Variants in EPHA6 observed in about 807,000 individuals in gnomAD.
EPHA6 encodes ephrin type-A receptor 6.
A neutral mutation model predicts 112.0 loss-of-function variants in EPHA6; 50 were observed. That is an observed-to-expected ratio of 0.45 (90% CI 0.36 to 0.56). EPHA6 has a LOEUF of 0.56. Among genes scored for constraint, EPHA6 ranks in the 20% least tolerant of loss-of-function variants. The pLI, the probability that EPHA6 is intolerant of heterozygous loss-of-function variation, is 0.00. For missense variants in EPHA6, 1,280 were observed against 1,417.4 expected, an observed-to-expected ratio of 0.90 and a Z score of 1.56; for synonymous variants, 529 against 490.7, an observed-to-expected ratio of 1.08 and a Z score of -1.03.
At chr3:96,978,421 A>G (rs1372167558) in intron 2 of EPHA6, among the ~76,000 whole-genome samples, 1 of 152,148 alleles carries the variant, frequency 6.6e-6, no homozygotes, top group African/African-American at 2.4e-5. Flanking sequence ...AAGGAAAAGT[A>G]TGCCTGAAAT....
intron 14 of EPHA6, among the ~76,000 whole-genome samples, chr3:97,652,807 C>T (rs796689628): frequency 1.3e-4 from 20 of 152,062 alleles, no homozygotes; most frequent in African/African-American, 4.8e-4. Flanking sequence ...AAACTTACTC[C>T]TGTTTTTTAT....
At chr3:97,533,687 A>G (rs2092721103) in intron 11 of EPHA6, among the ~76,000 whole-genome samples, 1 of 151,956 alleles carries the variant, frequency 6.6e-6, no homozygotes, top group Admixed American at 6.6e-5. Context: ...ACATGTTTGT[A>G]CGTTGGAGCT....
intron 1 of EPHA6, among the ~76,000 whole-genome samples, chr3:96,840,457 A>C (rs923011936): frequency 1.3e-5 from 2 of 152,114 alleles, no homozygotes; most frequent in Non-Finnish European, 2.9e-5. Flanking sequence ...CAGTAGTCCA[A>C]ACCACTCTCA....
At chr3:97,008,392 G>T (rs189050612) in intron 3 of EPHA6, among the ~76,000 whole-genome samples, 1 of 152,078 alleles carries the variant, frequency 6.6e-6, no homozygotes, top group Non-Finnish European at 1.5e-5. Context: ...CCGCTGGGTC[G>T]ATTTGGCTGT....
chr3:97,570,117 G>T (rs1474498075), intron 11 of EPHA6, among the ~76,000 whole-genome samples: 3 of 152,292 alleles, frequency 2.0e-5, no homozygotes, highest in Admixed American at 1.3e-4. Flanking sequence ...TGCCACCAGA[G>T]ATTTTGTATC....
chr3:97,106,108 A>C (rs2108271354), intron 3 of EPHA6, among the ~76,000 whole-genome samples: 1 of 152,206 alleles, frequency 6.6e-6, no homozygotes, highest in East Asian at 1.9e-4. Flanking sequence ...ACTAAAATGT[A>C]TATATTAAAA....
chr3:96,937,350 A>C (rs9822724), intron 2 of EPHA6, among the ~76,000 whole-genome samples: 2,824 of 152,220 alleles, frequency 0.019, 72 homozygotes, highest in African/African-American at 0.05. Flanking sequence ...CATTTCTCTG[A>C]TGGCCAGTGA....
chr3:97,130,133 C>A (rs542953983), intron 3 of EPHA6, among the ~76,000 whole-genome samples: 1 of 151,832 alleles, frequency 6.6e-6, no homozygotes, highest in Admixed American at 6.6e-5. Context: ...CTCTTTTTCT[C>A]GGGTGGTGGT....
At chr3:97,312,360 C>T (rs1469713093) in intron 5 of EPHA6, among the ~76,000 whole-genome samples, 5 of 151,450 alleles carry the variant, frequency 3.3e-5, no homozygotes, top group Admixed American at 6.6e-5. Flanking sequence ...TCCTGATTTG[C>T]GTGGAGTGGA....
chr3:97,043,052 T>C (rs2045372052), intron 3 of EPHA6, among the ~76,000 whole-genome samples: 1 of 152,172 alleles, frequency 6.6e-6, no homozygotes, highest in African/African-American at 2.4e-5. Context: ...AATTCTCTGA[T>C]CTTGTATTTT....
chr3:96,939,350 G>A (rs144991012), intron 2 of EPHA6, among the ~76,000 whole-genome samples: 3 of 152,096 alleles, frequency 2.0e-5, no homozygotes, highest in Non-Finnish European at 2.9e-5. Flanking sequence ...TGTATGTGTC[G>A]AGGAATTTAT....
At chr3:97,237,302 A>C (rs934771060) in intron 4 of EPHA6, among the ~76,000 whole-genome samples, 1 of 151,968 alleles carries the variant, frequency 6.6e-6, no homozygotes, top group East Asian at 1.9e-4. Context: ...TAACCCTTAC[A>C]CTACTGAATA....
At chr3:97,231,780 G>T (rs1206927946) in intron 4 of EPHA6, among the ~76,000 whole-genome samples, 3 of 152,148 alleles carry the variant, frequency 2.0e-5, no homozygotes, top group African/African-American at 7.2e-5. Flanking sequence ...TAATCCCTAG[G>T]AGCTGCCCTC....
chr3:96,832,680 A>C (rs2107283147), intron 1 of EPHA6, among the ~76,000 whole-genome samples: 1 of 152,178 alleles, frequency 6.6e-6, no homozygotes, highest in African/African-American at 2.4e-5. Context: ...TATGCTTTTA[A>C]AAATAAATTG....
intron 3 of EPHA6, among the ~76,000 whole-genome samples, chr3:97,196,900 C>T (rs2077456365): frequency 6.6e-6 from 1 of 152,032 alleles, no homozygotes; most frequent in Non-Finnish European, 1.5e-5. Context: ...TCTGTAGCCT[C>T]CACCACTGGA....
chr3:97,440,707 G>C (rs2090091392), intron 6 of EPHA6, among the ~76,000 whole-genome samples: 1 of 151,238 alleles, frequency 6.6e-6, no homozygotes, highest in Non-Finnish European at 1.5e-5. Context: ...GACCAATGCA[G>C]AAAAATAAAT....
intron 3 of EPHA6, among the ~76,000 whole-genome samples, chr3:97,037,431 A>T (rs2045142147): frequency 6.6e-6 from 1 of 152,038 alleles, no homozygotes; most frequent in Non-Finnish European, 1.5e-5. Context: ...CAGCAGAGAG[A>T]ATATCATCAT....
chr3:96,928,875 C>T (rs570078654), intron 2 of EPHA6, among the ~76,000 whole-genome samples: 1 of 152,028 alleles, frequency 6.6e-6, no homozygotes, highest in Admixed American at 6.6e-5. Context: ...TTATGTAATA[C>T]CCTTCTTTGT....
intron 1 of EPHA6, among the ~76,000 whole-genome samples, chr3:96,861,843 C>T (rs1370376197): frequency 2.0e-5 from 3 of 151,920 alleles, no homozygotes; most frequent in African/African-American, 7.2e-5. Flanking sequence ...GTATGATCCT[C>T]TTTAGAAGAT....
Sources: gnomAD v4.1 joint callset for allele counts (sites outside exome capture counted in the v4.1 genomes callset) on GRCh38, gnomAD v4.1.1 for gene constraint, MANE v1.5 for transcripts, NCBI Gene and HGNC (gene_info 2026-07-23, HGNC 2026-07-21) for gene names.